The following SFMBT2 variants were observed in gnomAD, a reference collection of about 807,000 sequenced individuals.
SFMBT2 encodes the protein scm-like with four MBT domains protein 2.
A neutral mutation model predicts 110.1 loss-of-function variants in SFMBT2; 38 were observed. The ratio of observed to expected loss-of-function variants is 0.35; its 90% confidence interval spans 0.27 to 0.45. The LOEUF is 0.45. Ranked by LOEUF, SFMBT2 falls within the 20% of genes least tolerant of loss-of-function variation. The pLI, the probability that SFMBT2 is intolerant of heterozygous loss-of-function variation, is 1.00. For missense variants in SFMBT2, 1,011 were observed against 1,094.9 expected (o/e 0.92, Z 1.08); for synonymous variants, 425 against 425.4 (o/e 1.00, Z 0.01).
Position 7,172,652 on chromosome 10 carries a change from T to A in SFMBT2, c.1994A>T (p.Tyr665Phe). The A allele has an allele frequency of 6.2e-7, 1 of 1,613,856 alleles. No homozygotes were observed. Residue 665 changes from tyrosine to phenylalanine, a missense_variant, in exon 18 of 21, where the codon TAT becomes TTT. Tyr to Phe is a conservative substitution (Grantham distance 22, BLOSUM62 3). Around this residue, in one of 2 missense-constraint regions of SFMBT2, gnomAD observed 979 missense variants for 1,016.1 expected, o/e 0.96. Transcript: ENST00000397167. The surrounding 1 kb of genome is among the most constrained non-coding windows in gnomAD (Gnocchi z 4.6). Reference protein sequence around the residue: ...IHTKTKYTYYYGKRKKISKPP... With the variant: ...IHTKTKYTYYFGKRKKISKPP... ...CTTGGAGATCTTCTTTCTCTTTCCA[T>A]AGTAATAGGCTGTAGGAAGGAAGAT...
rs75022014 is a variant in SFMBT2 at position 7,376,184 on chromosome 10, C to T, written c.100+5615G>A. ...TTGCTTTTATCACAGCAACTGACAA[C>T]GCCTGGAATCCCAGCATTGGAATTT... On this transcript the variant is annotated intron_variant, in intron 2 of 20. Transcript: ENST00000397167. 5.7e-3 allele frequency among the ~76,000 whole-genome samples: 868 copies of T among 152,164 alleles called. 12 individuals carry two copies. The highest frequency in any genetic ancestry group is 0.019 in the African/African-American group (807 of 41,514).
chr10:7,391,322 C>A (rs1191339404), intron 1 of SFMBT2, among the ~76,000 whole-genome samples: 1 of 149,952 alleles, frequency 6.7e-6, no homozygotes, highest in African/African-American at 2.5e-5. Flanking sequence ...AAAAATTAGC[C>A]GGGCATGGTG....
At chr10:7,288,632 A>G (rs2131852376) in intron 4 of SFMBT2, among the ~76,000 whole-genome samples, 1 of 152,320 alleles carries the variant, frequency 6.6e-6, no homozygotes, top group East Asian at 1.9e-4. Flanking sequence ...ATCTGGACTC[A>G]TTTTATGCTT....
At chr10:7,168,766 A>C (rs1003126446) in intron 20 of SFMBT2, among the ~76,000 whole-genome samples, 1 of 152,242 alleles carries the variant, frequency 6.6e-6, no homozygotes, top group African/African-American at 2.4e-5. Flanking sequence ...CGATCACCTA[A>C]GCCCTTGTAT....
At chr10:7,357,215 C>T (rs940869696) in intron 4 of SFMBT2, among the ~76,000 whole-genome samples, 4 of 152,072 alleles carry the variant, frequency 2.6e-5, no homozygotes, top group African/African-American at 7.2e-5. Flanking sequence ...TCTGAATCCA[C>T]GCCTGGCAGG....
At chr10:7,368,849 T>C (rs780863109) in intron 3 of SFMBT2, among the ~76,000 whole-genome samples, 1 of 152,218 alleles carries the variant, frequency 6.6e-6, no homozygotes, top group Non-Finnish European at 1.5e-5. Flanking sequence ...GTTTTAATAT[T>C]TAGCTCTTGG....
chr10:7,403,222 A>G (rs74121447), intron 1 of SFMBT2, among the ~76,000 whole-genome samples: 10,483 of 152,258 alleles, frequency 0.069, 1,157 homozygotes, highest in African/African-American at 0.24. Context: ...TTTCAAAATT[A>G]ACTACTAAAC....
intron 13 of SFMBT2, 155 bp downstream of exon 13, chr10:7,202,325 C>T (rs746431248): frequency 3.0e-5 from 12 of 402,248 alleles, no homozygotes; most frequent in Non-Finnish European, 3.7e-5. Flanking sequence ...ATAACAGGTA[C>T]ATAACAAATA....
chr10:7,315,092 G>GAAAGAA (rs1842967804), intron 4 of SFMBT2, among the ~76,000 whole-genome samples: 2 of 145,350 alleles, frequency 1.4e-5, no homozygotes, highest in African/African-American at 5.0e-5. Flanking sequence ...AAGAAAGAAA[G>GAAAGAA]AAAGAAAGAA....
chr10:7,231,486 CAA>C (rs1410826821), intron 9 of SFMBT2, among the ~76,000 whole-genome samples: 1 of 152,234 alleles, frequency 6.6e-6, no homozygotes, highest in African/African-American at 2.4e-5. Context: ...ATTCCCTACA[CAA>C]AGACATTAAG....
chr10:7,394,977 G>C (rs943455689), intron 1 of SFMBT2, among the ~76,000 whole-genome samples: 4 of 152,142 alleles, frequency 2.6e-5, no homozygotes, highest in African/African-American at 7.2e-5. Flanking sequence ...TGGATGGGTG[G>C]TGTGTCTTTA....
intron 4 of SFMBT2, among the ~76,000 whole-genome samples, chr10:7,315,096 GAAAGAAAGAAAGAAAAAGCA>G (rs1411344167): frequency 5.3e-4 from 77 of 144,928 alleles, no homozygotes; most frequent in African/African-American, 1.2e-3. Flanking sequence ...AAGAAAGAAA[GAAAGAAAGAAAGAAAAAGCA>G]AGCAAGCAAG....
At chr10:7,169,388 G>A (rs1352323029) in intron 20 of SFMBT2, among the ~76,000 whole-genome samples, 1 of 152,188 alleles carries the variant, frequency 6.6e-6, no homozygotes, top group Non-Finnish European at 1.5e-5. Context: ...CTCTCTTTGG[G>A]TGGCACTGGA....
intron 9 of SFMBT2, among the ~76,000 whole-genome samples, chr10:7,232,945 G>A (rs555085156): frequency 2.0e-5 from 3 of 152,070 alleles, no homozygotes; most frequent in African/African-American, 2.4e-5. Flanking sequence ...TGGAGGAAGT[G>A]AATCAGGACC....
chr10:7,245,443 G>T (rs115122223), intron 8 of SFMBT2, among the ~76,000 whole-genome samples: 1 of 152,180 alleles, frequency 6.6e-6, no homozygotes, highest in Non-Finnish European at 1.5e-5. Context: ...CCGTTAAAAT[G>T]CATGTTCACG....
intron 7 of SFMBT2, among the ~76,000 whole-genome samples, chr10:7,275,209 T>C (rs886411504): frequency 6.6e-6 from 1 of 152,228 alleles, no homozygotes; most frequent in Non-Finnish European, 1.5e-5. Flanking sequence ...GGTGGGCATC[T>C]GTAATTTCCC....
chr10:7,329,377 G>A (rs6602239), intron 4 of SFMBT2, among the ~76,000 whole-genome samples: 32,146 of 152,094 alleles, frequency 0.21, 3,700 homozygotes, highest in East Asian at 0.3. Context: ...AGGTACTGGC[G>A]TCCAGTCCTC....
intron 4 of SFMBT2, among the ~76,000 whole-genome samples, chr10:7,319,303 C>T (rs1369747655): frequency 6.6e-6 from 1 of 152,204 alleles, no homozygotes; most frequent in Non-Finnish European, 1.5e-5. Context: ...AATTCCCCGG[C>T]GTTCTGCAAA....
intron 4 of SFMBT2, among the ~76,000 whole-genome samples, chr10:7,333,055 T>C (rs1471290692): frequency 6.6e-6 from 1 of 152,064 alleles, no homozygotes; most frequent in Non-Finnish European, 1.5e-5. Flanking sequence ...TTAGTAGAGA[T>C]GGGGTTTCTC....
Sources: gnomAD v4.1 joint callset for allele counts (sites outside exome capture counted in the v4.1 genomes callset) on GRCh38, gnomAD v4.1.1 for gene constraint, gnomAD v4.1.1 regional missense constraint, Gnocchi (gnomAD v3.1) non-coding constraint, MANE v1.5 for transcripts, NCBI Gene and HGNC (gene_info 2026-07-23, HGNC 2026-07-21) for gene names.